The following SLC39A14 variants were observed in gnomAD, a reference collection of about 807,000 sequenced individuals.
SLC39A14 encodes the protein solute carrier family 39 member 14.
In SLC39A14, 19 loss-of-function variants were observed where a neutral mutation model predicts 45.5. The observed-to-expected ratio is 0.42, with a 90% CI of 0.29 to 0.61. SLC39A14 has a LOEUF of 0.61. Ranked by LOEUF, SLC39A14 falls within the 20% of genes least tolerant of loss-of-function variation. The pLI is 0.22. For synonymous variants in SLC39A14, 264 were observed against 251.3 expected (o/e 1.05, Z -0.48); for missense variants, 447 against 616.5 (o/e 0.73, Z 2.91).
At chr8:22,400,503 T>C (rs960445464) in intron 1 of SLC39A14, among the ~76,000 whole-genome samples, 12 of 152,230 alleles carry the variant, frequency 7.9e-5, no homozygotes, top group Admixed American at 1.3e-4. Context: ...CCACTTTCTT[T>C]GTACAACAGG....
At chr8:22,422,795 T>A, downstream of SLC39A14, 5 of 757,284 alleles carry the variant, frequency 6.6e-6, no homozygotes, top group Non-Finnish European at 8.0e-6. Context: ...AGGTCTGGTT[T>A]AACATTTGAC....
At chr8:22,407,521 C>T (rs755014128) in intron 2 of SLC39A14, among the ~76,000 whole-genome samples, 26 of 151,866 alleles carry the variant, frequency 1.7e-4, no homozygotes, top group Non-Finnish European at 2.5e-4. Context: ...CTACCACGCC[C>T]GGCTAATTTT....
At chr8:22,409,764 A>T (rs1835458087) in intron 3 of SLC39A14, among the ~76,000 whole-genome samples, 1 of 152,092 alleles carries the variant, frequency 6.6e-6, no homozygotes, top group Non-Finnish European at 1.5e-5. Flanking sequence ...AGCAATTTTG[A>T]TAGTTTCCCT....
At chr8:22,405,514 A>G (rs888268456) in intron 2 of SLC39A14, among the ~76,000 whole-genome samples, 4 of 152,114 alleles carry the variant, frequency 2.6e-5, no homozygotes, top group African/African-American at 7.2e-5. Context: ...ATCTGTCTCA[A>G]AACAAAACAA....
In SLC39A14 at chr8:22,420,639, G is replaced by A. The variant is rs1368264893; in HGVS notation, c.*941G>A. On this transcript the variant is annotated 3_prime_UTR_variant, in exon 9 of 9. Coordinates refer to ENST00000381237, the MANE Select transcript of SLC39A14 (RefSeq NM_001128431.4). ...AAACTATCCTCCCCCAGGTTGAGAC[G>A]TCTGCAGAGTGGCAAGCTGACTTGT... is the stretch of plus-strand genomic sequence containing the variant. The A allele has an allele frequency of 8.1e-6, 8 of 985,290 alleles. No homozygotes were observed. The highest frequency in any genetic ancestry group is 8.4e-6 in the Non-Finnish European group (7 of 829,952). 61.0% of individuals were successfully genotyped at this position (985,290 alleles called of 1,614,324 possible). A position where few individuals can be genotyped will look rare whatever the true frequency, so the allele number is the denominator to read the frequency against.
intron 1 of SLC39A14, among the ~76,000 whole-genome samples, chr8:22,369,064 G>T (rs897825026): frequency 6.6e-6 from 1 of 152,122 alleles, no homozygotes; most frequent in African/African-American, 2.4e-5. Context: ...TCCTGGTGGA[G>T]GCTCAGAGAG....
chr8:22,417,792 C>A lies in SLC39A14; in HGVS notation c.1289C>A (p.Ala430Glu). The A allele has an allele frequency of 6.2e-7, 1 of 1,614,130 alleles. No homozygotes were observed. The change falls in exon 8 of 9, where the codon GCG becomes GAG. Residue 430 changes from alanine (A) to glutamate (E), a missense_variant. By Grantham distance (107) the Ala-to-Glu change is moderately radical. Transcript: ENST00000381237. The part of the protein sequence containing the change: ...GSHFSANWIF[A>E]LAGGMFLYIS... ...CACTTCTCTGCCAACTGGATTTTTG[C>A]GCTAGCTGGAGGAATGTTCTTGTAT...
In SLC39A14 at chr8:22,412,115, A is replaced by G; in HGVS notation, c.536A>G (p.Lys179Arg). The G allele has an allele frequency of 6.4e-7, 1 of 1,551,664 alleles. No individual in the cohort carries two copies. The highest frequency in any genetic ancestry group is 8.7e-7 in the Non-Finnish European group (1 of 1,146,976). ...LLGASVVPFM[K>R]KTFYKRLLLY... ...GGGGCCAGCGTGGTGCCCTTCATGA[A>G]GAAGACCTTTTACAAGAGGCTGCTG... The change falls in exon 4 of 9, where the codon AAG becomes AGG. Residue 179 changes from lysine to arginine, a missense_variant. This residue lies in a region of SLC39A14 where 342 missense variants were observed against 428.1 expected (regional missense o/e 0.80). Coordinates refer to ENST00000381237, the MANE Select transcript of SLC39A14 (RefSeq NM_001128431.4).
intron 1 of SLC39A14, chr8:22,398,748 G>A (rs1834667223): frequency 1.0e-6 from 1 of 985,344 alleles, no homozygotes; most frequent in South Asian, 4.7e-5. Context: ...GTGCAGGACA[G>A]AAGTGCCGCT....
chr8:22,368,821 C>T (rs750437274), intron 1 of SLC39A14, among the ~76,000 whole-genome samples: 2 of 152,166 alleles, frequency 1.3e-5, no homozygotes, highest in Non-Finnish European at 2.9e-5. Context: ...CAGGCGTGAG[C>T]CACCCTGCCC....
intron 1 of SLC39A14, among the ~76,000 whole-genome samples, chr8:22,399,606 A>C (rs1283489321): frequency 6.6e-6 from 1 of 152,222 alleles, no homozygotes; most frequent in East Asian, 1.9e-4. Context: ...TCCTGGAGGA[A>C]AGAGCAGCTG....
intron 1 of SLC39A14, among the ~76,000 whole-genome samples, chr8:22,369,275 G>A (rs1832808408): frequency 1.3e-5 from 2 of 152,208 alleles, no homozygotes; most frequent in South Asian, 4.1e-4. Flanking sequence ...GGGCCTTGAG[G>A]GAGGGCAGTG....
chr8:22,367,990 G>A lies in SLC39A14; in HGVS notation c.-16+582G>A, dbSNP rs1832728342. Among the ~76,000 whole-genome samples, 2 of 152,124 alleles carry A rather than the reference G, an allele frequency of 1.3e-5. No homozygotes were observed. The highest frequency in any genetic ancestry group is 6.5e-5 in the Admixed American group (1 of 15,274). ...GGCTGCCCCCTCTTGGTGGGTGAGG[G>A]CAGTGGGACAAAGTCGCCATCCGAG... On this transcript the variant is annotated intron_variant, in intron 1 of 8. Transcript: ENST00000381237. The surrounding 1 kb of genome is among the most constrained non-coding windows in gnomAD (Gnocchi z 4.2).
chr8:22,410,579 T>C (rs1341615386), intron 3 of SLC39A14, among the ~76,000 whole-genome samples: 7 of 152,012 alleles, frequency 4.6e-5, no homozygotes, highest in Non-Finnish European at 1.0e-4. Flanking sequence ...AAAAAGCGAG[T>C]GTTCTTTAAT....
intron 1 of SLC39A14, among the ~76,000 whole-genome samples, chr8:22,379,040 G>A (rs1379109457): frequency 2.6e-5 from 4 of 152,172 alleles, no homozygotes; most frequent in Admixed American, 2.0e-4. Context: ...AGGGGAGAAT[G>A]CTTCCTTCTT....
chr8:22,426,389 C>T (rs1050615558), downstream of SLC39A14, among the ~76,000 whole-genome samples: 18 of 152,008 alleles, frequency 1.2e-4, no homozygotes, highest in South Asian at 2.1e-4. Flanking sequence ...AAGGAGGTCT[C>T]GTTAAGTTGC....
In SLC39A14 at chr8:22,415,834, G is replaced by A; in HGVS notation, c.816G>A (p.Gly272=). 2 of 1,613,740 alleles carry A rather than the reference G, an allele frequency of 1.2e-6. No homozygotes were observed. The highest frequency in any genetic ancestry group is 1.7e-6 in the Non-Finnish European group (2 of 1,179,920). ...SLPSKKDQEE[G]VMEKLQNGDL... The stretch of plus-strand genomic sequence containing the variant: ...CCTCCAAGAAGGACCAGGAGGAGGG[G>A]GTGATGGAGAAGCTGCAGAACGGGG... The change falls in exon 6 of 9, where the codon GGG becomes GGA. Residue 272 remains glycine (G), a synonymous_variant. Coordinates refer to ENST00000381237, the MANE Select transcript of SLC39A14 (RefSeq NM_001128431.4).
At chr8:22,380,545 G>C (rs1371755543) in intron 1 of SLC39A14, among the ~76,000 whole-genome samples, 2 of 152,162 alleles carry the variant, frequency 1.3e-5, no homozygotes, top group Non-Finnish European at 2.9e-5. Flanking sequence ...CCCACGCACA[G>C]ATGCAGTCGA....
At chr8:22,425,028 CAAAAAAAA>C (rs71544902), downstream of SLC39A14, among the ~76,000 whole-genome samples, 1 of 74,344 alleles carries the variant, frequency 1.3e-5, no homozygotes, top group Non-Finnish European at 2.7e-5. Flanking sequence ...GACTCCGTCT[CAAAAAAAA>C]AAAAAAAAAA....
Sources: allele counts gnomAD v4.1 joint callset (sites outside exome capture counted in the v4.1 genomes callset), GRCh38; gene constraint gnomAD v4.1.1; regional missense constraint gnomAD v4.1.1; non-coding constraint Gnocchi (gnomAD v3.1); transcripts MANE v1.5; gene names NCBI Gene and HGNC (gene_info 2026-07-23, HGNC 2026-07-21).